Variants in UNC80 observed in about 807,000 individuals in gnomAD.
UNC80 encodes protein unc-80 homolog.
UNC80 carries 164 observed loss-of-function variants against 384.6 expected under a neutral mutation model. That is an observed-to-expected ratio of 0.43 (90% CI 0.38 to 0.49). The LOEUF (loss-of-function observed/expected upper bound fraction) is 0.49. Among genes scored for constraint, UNC80 ranks in the 20% least tolerant of loss-of-function variants. UNC80 has a pLI of 0.00. For synonymous variants in UNC80, 1,486 were observed against 1,527.8 expected (o/e 0.97, Z 0.64); for missense variants, 3,330 against 4,143.0 (o/e 0.80, Z 5.39).
At chr2:209,825,104 T>C (rs1314989067) in intron 13 of UNC80, among the ~76,000 whole-genome samples, 1 of 152,216 alleles carries the variant, frequency 6.6e-6, no homozygotes, top group East Asian at 1.9e-4. Flanking sequence ...GATGGTGGAA[T>C]GTGGTAGAAG....
At chr2:209,846,983 T>G (rs1288577018) in intron 21 of UNC80, among the ~76,000 whole-genome samples, 1 of 152,104 alleles carries the variant, frequency 6.6e-6, no homozygotes, top group Non-Finnish European at 1.5e-5. Context: ...GATCACTACC[T>G]TCAGCAGAGT....
At chr2:209,817,722 T>G in intron 10 of UNC80, 90 bp from the exon 11 acceptor site, 2 of 1,469,714 alleles carry the variant, frequency 1.4e-6, no homozygotes, top group South Asian at 1.3e-5. Flanking sequence ...AGCCCCACAC[T>G]CTCCCTGCTG....
chr2:209,913,781 A>G, intron 30 of UNC80, 21 bp from the exon 31 acceptor site: 2 of 1,536,316 alleles, frequency 1.3e-6, no homozygotes, highest in Non-Finnish European at 1.8e-6. Context: ...ATTTTAAAAC[A>G]TGATTTCCAT....
Position 209,773,019 on chromosome 2 carries a change from A to G in UNC80, c.93-75A>G, listed in dbSNP as rs1353300702. ...TCATAGCATCCTGTCTTATTCATTG[A>G]AAAATACGTCACAAGGATGCTTTAA... On this transcript the variant is annotated intron_variant, in intron 1 of 64. Coordinates refer to ENST00000673920, the MANE Select transcript of UNC80 (RefSeq NM_001371986.1). 3.2e-6 allele frequency: 4 copies of G among 1,244,258 alleles called. No homozygotes were observed. In the African/African-American group the frequency reaches 6.0e-5, roughly 19 times the overall value. 77.1% of individuals were successfully genotyped at this position (1,244,258 alleles called of 1,614,324 possible). A position where few individuals can be genotyped will look rare whatever the true frequency, so the allele number is the denominator to read the frequency against.
chr2:209,922,520 T>G, intron 35 of UNC80, 137 bp downstream of exon 35: 1 of 1,099,644 alleles, frequency 9.1e-7, no homozygotes, highest in Admixed American at 3.0e-5. Flanking sequence ...TAAAAAAAAT[T>G]AGCATGGCAT....
At chr2:209,958,967 C>A (rs891460851) in intron 49 of UNC80, among the ~76,000 whole-genome samples, 152 bp from the exon 50 acceptor site, 4 of 152,062 alleles carry the variant, frequency 2.6e-5, no homozygotes, top group Non-Finnish European at 5.9e-5. Context: ...AAAGATAAAG[C>A]CTTTATGTTT....
intron 18 of UNC80, among the ~76,000 whole-genome samples, chr2:209,836,780 C>T (rs779283280): frequency 2.0e-4 from 31 of 152,146 alleles, no homozygotes; most frequent in Non-Finnish European, 3.8e-4. Flanking sequence ...CCCTTCTGGC[C>T]CTGTGTCCTC....
Position 209,825,684 on chromosome 2 carries a change from A to G in UNC80, c.2332-223A>G, listed in dbSNP as rs546457722. On this transcript the variant is annotated intron_variant, in intron 13 of 64. Coordinates refer to ENST00000673920, the MANE Select transcript of UNC80 (RefSeq NM_001371986.1). ...AAGTCTATACTTATATTCTCTAGCA[A>G]CAGAGGGTGTTCAAAATACGTAGAT... Among the ~76,000 whole-genome samples the G allele has an allele frequency of 3.8e-4, 58 of 152,326 alleles. No individual in the cohort carries two copies. In the South Asian group the frequency reaches 8.3e-3, roughly 22 times the overall value.
At chr2:209,778,128 C>T (rs1447320975) in intron 4 of UNC80, among the ~76,000 whole-genome samples, 3 of 152,152 alleles carry the variant, frequency 2.0e-5, no homozygotes, top group Non-Finnish European at 2.9e-5. Context: ...TTTAGCCAGG[C>T]GCGGTGGCTC....
chr2:209,841,443 C>T (rs1354115422), intron 20 of UNC80, among the ~76,000 whole-genome samples: 3 of 152,082 alleles, frequency 2.0e-5, no homozygotes, highest in Non-Finnish European at 4.4e-5. Flanking sequence ...GCAACCTCCG[C>T]CTTCTGGGTT....
chr2:209,981,540 G>T (rs1325390080), intron 59 of UNC80, among the ~76,000 whole-genome samples: 1 of 152,236 alleles, frequency 6.6e-6, no homozygotes, highest in Non-Finnish European at 1.5e-5. Context: ...TCGCGCCAAT[G>T]CACTCCAGCC....
At chr2:209,914,745 A>G (rs2089331220) in intron 31 of UNC80, among the ~76,000 whole-genome samples, 1 of 151,752 alleles carries the variant, frequency 6.6e-6, no homozygotes, top group Non-Finnish European at 1.5e-5. Context: ...TTTGTTTTTC[A>G]TGCAAATGGG....
In UNC80 at chr2:209,813,725, A is replaced by G. The variant is rs1250118927; in HGVS notation, c.1084A>G (p.Met362Val). The G allele has an allele frequency of 1.9e-6, 3 of 1,551,798 alleles. No individual in the cohort carries two copies. The East Asian group carries it at 7.3e-5, about 38-fold the overall frequency. ...LMYYLQRLRHMLEEKPEKPPE... is the reference protein window; with the variant it reads ...LMYYLQRLRHVLEEKPEKPPE... ...GTACTATCTACAAAGGCTGCGACAC[A>G]TGTTGGAAGAGAAGCCAGAAAAGCC... The change falls in exon 8 of 65, where the codon ATG (methionine) becomes GTG (valine). Residue 362 changes from methionine (M) to valine (V), a missense_variant. Transcript: ENST00000673920.
intron 13 of UNC80, among the ~76,000 whole-genome samples, chr2:209,821,367 A>G (rs1192761017): frequency 3.3e-5 from 5 of 152,218 alleles, no homozygotes; most frequent in Non-Finnish European, 7.3e-5. Flanking sequence ...ATACCATCGG[A>G]TTGAGGGATT....
intron 33 of UNC80, among the ~76,000 whole-genome samples, chr2:209,920,695 AGT>A (rs1258134613): frequency 1.3e-5 from 2 of 152,240 alleles, no homozygotes; most frequent in Non-Finnish European, 2.9e-5. Context: ...AAGTGTTTAT[AGT>A]GTGACAAATA....
chr2:209,938,878 A>G (rs894789705), intron 42 of UNC80, among the ~76,000 whole-genome samples: 4 of 152,298 alleles, frequency 2.6e-5, no homozygotes, highest in African/African-American at 9.6e-5. Context: ...AGTCTGGCTC[A>G]GAAGTTTCCT....
rs911092995 is a variant in UNC80, at chr2:209,771,957, G to T, written c.-116G>T. The T allele has an allele frequency of 2.4e-5, 18 of 742,384 alleles. No homozygotes were observed. In the African/African-American group the frequency reaches 3.1e-4, roughly 13 times the overall value. The allele number at this position is 742,384 out of a possible 1,614,324, so 46.0% of individuals were successfully genotyped here. On this transcript the variant is annotated 5_prime_UTR_variant, in exon 1 of 65. Coordinates refer to ENST00000673920, the MANE Select transcript of UNC80 (RefSeq NM_001371986.1). ...ACGGGGGATCAGGGCGGAGAGAGCC[G>T]GCTCTGCCTCGGGGAAGGAGGGGAT...
chr2:209,968,726 T>G (rs1055807294), intron 52 of UNC80: 2 of 152,160 alleles, frequency 1.3e-5, no homozygotes, highest in African/African-American at 2.4e-5. Context: ...CAAGGGTGCG[T>G]CAAAATAAAT....
At chr2:209,816,862 A>G (rs1404597090) in intron 9 of UNC80, 47 bp from the exon 10 acceptor site, 2 of 1,531,730 alleles carry the variant, frequency 1.3e-6, no homozygotes, top group South Asian at 2.4e-5. Flanking sequence ...GCAGATTGTA[A>G]CCTTTTCTTT....
Sources: gnomAD v4.1 joint callset for allele counts (sites outside exome capture counted in the v4.1 genomes callset) on GRCh38, gnomAD v4.1.1 for gene constraint, MANE v1.5 for transcripts, NCBI Gene and HGNC (gene_info 2026-07-23, HGNC 2026-07-21) for gene names.